Variants in PPM1L observed in about 807,000 individuals in gnomAD.
PPM1L encodes protein phosphatase 1L.
PPM1L carries 13 observed loss-of-function variants against 31.4 expected under a neutral mutation model. The ratio of observed to expected loss-of-function variants is 0.41; its 90% CI spans 0.27 to 0.66. The LOEUF (loss-of-function observed/expected upper bound fraction) is 0.66. PPM1L is among the 30% of genes least tolerant of loss of function. The probability of loss-of-function intolerance (pLI) is 0.29; values close to 1 mark genes in which losing one functional copy is unlikely to be tolerated. For synonymous variants in PPM1L, 184 were observed against 175.4 expected, an observed-to-expected ratio of 1.05 and a Z score of -0.39; for missense variants, 326 against 453.7, an observed-to-expected ratio of 0.72 and a Z score of 2.56.
chr3:161,045,669 G>C (rs1719037495), intron 2 of PPM1L, among the ~76,000 whole-genome samples: 1 of 152,168 alleles, frequency 6.6e-6, no homozygotes, highest in Non-Finnish European at 1.5e-5. Flanking sequence ...AGGGAAAGCA[G>C]AAAAGATCTA....
intron 1 of PPM1L, among the ~76,000 whole-genome samples, chr3:160,800,861 A>T (rs796131420): frequency 1.3e-5 from 2 of 152,202 alleles, no homozygotes; most frequent in South Asian, 4.1e-4. Context: ...TTAGGTAGAA[A>T]ACAATGATTA....
intron 2 of PPM1L, among the ~76,000 whole-genome samples, chr3:160,963,901 C>T (rs1247407416): frequency 2.0e-5 from 3 of 151,982 alleles, no homozygotes; most frequent in Non-Finnish European, 4.4e-5. Flanking sequence ...TAGAAATAAA[C>T]ACAAGATTGA....
intron 1 of PPM1L, among the ~76,000 whole-genome samples, chr3:160,880,166 A>G (rs1425563063): frequency 6.6e-6 from 1 of 152,204 alleles, no homozygotes; most frequent in African/African-American, 2.4e-5. Flanking sequence ...GAGGAGAGGA[A>G]CAATATTCTT....
At chr3:161,001,881 CAAGGTGCAGGTTAGTTACAT>C (rs1216797863) in intron 2 of PPM1L, among the ~76,000 whole-genome samples, 5 of 152,062 alleles carry the variant, frequency 3.3e-5, no homozygotes, top group Non-Finnish European at 7.4e-5. Context: ...TACAGGTGCA[CAAGGTGCAGGTTAGTTACAT>C]ATGTATACAT....
At chr3:160,983,908 G>C (rs1046496860) in intron 2 of PPM1L, among the ~76,000 whole-genome samples, 1 of 152,178 alleles carries the variant, frequency 6.6e-6, no homozygotes, top group African/African-American at 2.4e-5. Context: ...GGGAGGGAGT[G>C]TACGAATAGG....
At chr3:160,865,698 C>A (rs1252657147) in intron 1 of PPM1L, among the ~76,000 whole-genome samples, 1 of 152,200 alleles carries the variant, frequency 6.6e-6, no homozygotes, top group African/African-American at 2.4e-5. Flanking sequence ...TTGCTTGAAC[C>A]TGGGAGGCAG....
intron 1 of PPM1L, among the ~76,000 whole-genome samples, chr3:160,944,865 A>AACATATATATGTTATAT (rs1553748208): frequency 2.4e-5 from 1 of 40,984 alleles, no homozygotes; most frequent in African/African-American, 7.1e-5. Context: ...TATTATATAT[A>AACATATATATGTTATAT]ATGTTATATA....
At chr3:160,835,089 CTTTT>C (rs1713668898) in intron 1 of PPM1L, among the ~76,000 whole-genome samples, 3 of 60,796 alleles carry the variant, frequency 4.9e-5, no homozygotes, top group African/African-American at 1.2e-4. Context: ...CTTCTTCTTT[CTTTT>C]TTCTTTCTTC....
At chr3:160,914,974 T>C (rs1275411172) in intron 1 of PPM1L, among the ~76,000 whole-genome samples, 1 of 152,168 alleles carries the variant, frequency 6.6e-6, no homozygotes, top group Non-Finnish European at 1.5e-5. Context: ...TTTTTAATGA[T>C]CGCCATTCTA....
chr3:160,980,811 G>A (rs1300051633), intron 2 of PPM1L, among the ~76,000 whole-genome samples: 1 of 151,680 alleles, frequency 6.6e-6, no homozygotes, highest in African/African-American at 2.4e-5. Flanking sequence ...GAGGGAGGGA[G>A]GGAAGGAAGG....
intron 1 of PPM1L, among the ~76,000 whole-genome samples, chr3:160,943,538 C>T (rs1213149798): frequency 6.6e-6 from 1 of 152,076 alleles, no homozygotes; most frequent in African/African-American, 2.4e-5. Context: ...ACTTAATTTT[C>T]TTTTTAATTG....
At chr3:161,037,427 T>TTG (rs1718776542) in intron 2 of PPM1L, among the ~76,000 whole-genome samples, 3 of 149,686 alleles carry the variant, frequency 2.0e-5, no homozygotes, top group Admixed American at 2.0e-4. Context: ...TTTTTTTTTT[T>TTG]TTTTGAGATG....
intron 2 of PPM1L, among the ~76,000 whole-genome samples, chr3:161,018,418 A>G (rs1482059452): frequency 1.3e-5 from 2 of 152,228 alleles, no homozygotes; most frequent in African/African-American, 4.8e-5. Context: ...TTCTATGAAC[A>G]TGAAAGGTAG....
intron 1 of PPM1L, among the ~76,000 whole-genome samples, chr3:160,757,315 G>A (rs1714837208): frequency 6.6e-6 from 1 of 152,250 alleles, no homozygotes; most frequent in African/African-American, 2.4e-5. Flanking sequence ...CTCGCTGGCC[G>A]CTTGTTTTCA....
At position 160,899,796 on chromosome 3, in the gene PPM1L, AT is replaced by A. The variant is rs548470133; in HGVS notation, c.400-61935del. On this transcript the variant is annotated intron_variant, in intron 1 of 3. Coordinates refer to ENST00000498165, the MANE Select transcript of PPM1L (RefSeq NM_139245.4). ...TTCTATGTGGCCTGTGAAATGACTGATTTTTATAAATGTTTCATGGATATTT... is the reference window on the plus strand; with the variant it reads ...TTCTATGTGGCCTGTGAAATGACTGATTTTATAAATGTTTCATGGATATTT... Among the ~76,000 whole-genome samples, 835 of 152,256 alleles carry A rather than the reference AT, an allele frequency of 5.5e-3. 5 individuals carry two copies. Among genetic ancestry groups the A allele is most frequent in the African/African-American group, 0.019 (788 of 41,556 alleles).
intron 2 of PPM1L, among the ~76,000 whole-genome samples, chr3:160,970,948 G>A (rs1273924970): frequency 6.6e-6 from 1 of 151,674 alleles, no homozygotes; most frequent in African/African-American, 2.4e-5. Context: ...CCGCCACCTC[G>A]CCCGGCTAAT....
At chr3:160,810,436 C>G (rs1216490971) in intron 1 of PPM1L, among the ~76,000 whole-genome samples, 1 of 152,178 alleles carries the variant, frequency 6.6e-6, no homozygotes, top group East Asian at 1.9e-4. Context: ...CTGGAGTCTT[C>G]TGGTTTCCAA....
intron 1 of PPM1L, among the ~76,000 whole-genome samples, chr3:160,798,343 G>A (rs1369282013): frequency 6.6e-6 from 1 of 152,208 alleles, no homozygotes; most frequent in African/African-American, 2.4e-5. Context: ...TTCGTAGGTA[G>A]AGAGAAGTAG....
At chr3:160,843,638 C>T (rs1305845150) in intron 1 of PPM1L, among the ~76,000 whole-genome samples, 1 of 151,186 alleles carries the variant, frequency 6.6e-6, no homozygotes, top group Non-Finnish European at 1.5e-5. Flanking sequence ...CACAACAGGC[C>T]CCGGTGTGTG....
Sources: allele counts gnomAD v4.1 joint callset (sites outside exome capture counted in the v4.1 genomes callset), GRCh38; gene constraint gnomAD v4.1.1; transcripts MANE v1.5; gene names NCBI Gene and HGNC (gene_info 2026-07-23, HGNC 2026-07-21).